The following TMEFF1 variants were observed in gnomAD, a reference collection of about 807,000 sequenced individuals.
The protein encoded by TMEFF1 is transmembrane protein with EGF like and two follistatin like domains 1.
In TMEFF1, 20 loss-of-function variants were observed where a neutral mutation model predicts 47.5. The ratio of observed to expected loss-of-function variants is 0.42; its 90% CI spans 0.30 to 0.61. The LOEUF (loss-of-function observed/expected upper bound fraction) is 0.61. Ranked by LOEUF, TMEFF1 falls within the 20% of genes least tolerant of loss-of-function variation. The pLI, the probability that TMEFF1 is intolerant of heterozygous loss-of-function variation, is 0.19. For missense variants in TMEFF1, 411 were observed against 471.1 expected (o/e 0.87, Z 1.18); for synonymous variants, 162 against 166.3 (o/e 0.97, Z 0.20).
Position 100,576,524 on chromosome 9 carries a change from C to T in TMEFF1, c.1067C>T (p.Pro356Leu). ...TTTTTTTAATGCAACAGAAAATGCC[C>T]CAAAAACAATAGAGGACGTCGACAG... ...AIVMCITRKC[P>L]KNNRGRRQKQ... Residue 356 changes from proline to leucine, a missense_variant, in exon 10 of 10, where the codon CCC becomes CTC. Coordinates refer to ENST00000374879, the MANE Select transcript of TMEFF1 (RefSeq NM_003692.5). 6.2e-7 allele frequency: 1 copy of T among 1,609,374 alleles called. No homozygotes were observed. Among genetic ancestry groups the T allele is most frequent in the Non-Finnish European group, 8.5e-7 (1 of 1,178,750 alleles).
intron 3 of TMEFF1, among the ~76,000 whole-genome samples, chr9:100,509,522 C>T (rs1253447702): frequency 6.6e-6 from 1 of 151,956 alleles, no homozygotes; most frequent in Non-Finnish European, 1.5e-5. Flanking sequence ...GCCTGTAATC[C>T]CAGCACTTTG....
Position 100,514,204 on chromosome 9 carries a change from C to T in TMEFF1, c.463+871C>T, listed in dbSNP as rs144618759. ...AAACTGCCTGAAACCTCACTCCATA[C>T]GTCTACATTTCATAGAATCTTAAAA... On this transcript the variant is annotated intron_variant, in intron 4 of 9. Transcript: ENST00000374879. Among the ~76,000 whole-genome samples, 241 of 151,814 alleles carry T rather than the reference C, an allele frequency of 1.6e-3. 3 individuals carry two copies. Among genetic ancestry groups the T allele is most frequent in the Non-Finnish European group, 3.4e-4 (23 of 67,958 alleles).
At chr9:100,549,974 A>T in intron 6 of TMEFF1, 121 bp from the exon 7 acceptor site, 1 of 1,142,922 alleles carries the variant, frequency 8.7e-7, no homozygotes, top group Non-Finnish European at 1.2e-6. Flanking sequence ...GGTAGACAAC[A>T]TGAGCAGGAT....
intron 5 of TMEFF1, among the ~76,000 whole-genome samples, chr9:100,523,107 C>T (rs781410613): frequency 3.9e-5 from 6 of 152,182 alleles, no homozygotes; most frequent in Middle Eastern, 3.2e-3. Flanking sequence ...TGCAAAACTC[C>T]GTCTCCCCAT....
intron 5 of TMEFF1, among the ~76,000 whole-genome samples, chr9:100,520,157 T>C (rs1005900603): frequency 4.6e-5 from 7 of 152,186 alleles, no homozygotes; most frequent in African/African-American, 1.7e-4. Context: ...TTTAAAATTT[T>C]ATTGTATGCC....
intron 5 of TMEFF1, chr9:100,518,446 G>T: frequency 2.0e-6 from 2 of 985,350 alleles, no homozygotes; most frequent in Non-Finnish European, 2.4e-6. Context: ...TAAGGAAGTG[G>T]ACATAGACCA....
At chr9:100,497,608 A>C (rs1444447258) in intron 1 of TMEFF1, among the ~76,000 whole-genome samples, 1 of 152,096 alleles carries the variant, frequency 6.6e-6, no homozygotes, top group African/African-American at 2.4e-5. Context: ...ACTGCAGAGC[A>C]GTGGGAATAA....
intron 1 of TMEFF1, among the ~76,000 whole-genome samples, chr9:100,487,816 A>G (rs927279446): frequency 1.5e-4 from 22 of 151,314 alleles, no homozygotes; most frequent in African/African-American, 5.1e-4. Context: ...CAGATTTAGC[A>G]CTTGGTCAAG....
At chr9:100,495,281 A>G (rs1030386119) in intron 1 of TMEFF1, among the ~76,000 whole-genome samples, 4 of 152,166 alleles carry the variant, frequency 2.6e-5, no homozygotes, top group Admixed American at 2.0e-4. Flanking sequence ...GTTGTGGGCA[A>G]TTAGAACATT....
chr9:100,572,764 G>C, intron 9 of TMEFF1, 88 bp downstream of exon 9: 1 of 1,443,856 alleles, frequency 6.9e-7, no homozygotes. Context: ...AGTCTATTAG[G>C]AAAAATCTTA....
intron 5 of TMEFF1, among the ~76,000 whole-genome samples, chr9:100,527,100 G>A (rs191451312): frequency 2.2e-4 from 33 of 150,794 alleles, no homozygotes; most frequent in African/African-American, 7.3e-4. Context: ...CCAAAATCGC[G>A]CCACTGCACT....
rs890939480 is a variant in TMEFF1 at position 100,574,910 on chromosome 9, T to C, written c.1059-1606T>C. 9.8e-5 allele frequency among the ~76,000 whole-genome samples: 15 copies of C among 152,330 alleles called. No individual in the cohort carries two copies. In the East Asian group the frequency reaches 1.3e-3, roughly 14 times the overall value. ...TTTGAAGTAGGTACCCTCTAGTTTA[T>C]ACTCCAGATCCCTCCTTGTTGCCCT... On this transcript the variant is annotated intron_variant, in intron 9 of 9. Coordinates refer to ENST00000374879, the MANE Select transcript of TMEFF1 (RefSeq NM_003692.5).
intron 1 of TMEFF1, among the ~76,000 whole-genome samples, chr9:100,498,204 C>T (rs1488055584): frequency 6.6e-6 from 1 of 152,084 alleles, no homozygotes; most frequent in Non-Finnish European, 1.5e-5. Context: ...GATTTTGAAT[C>T]TCTTTAATTC....
At chr9:100,474,188 A>C (rs1348821373) in intron 1 of TMEFF1, among the ~76,000 whole-genome samples, 2 of 63,484 alleles carry the variant, frequency 3.2e-5, no homozygotes, top group Non-Finnish European at 6.0e-5. Flanking sequence ...GGGCGGGGTG[A>C]GGGCAGGGGA....
intron 8 of TMEFF1, among the ~76,000 whole-genome samples, chr9:100,569,653 T>G (rs898016297): frequency 1.1e-4 from 16 of 152,284 alleles, no homozygotes; most frequent in African/African-American, 3.8e-4. Flanking sequence ...TTTTATTCTC[T>G]TCTAAAAATT....
At chr9:100,547,613 C>T in intron 5 of TMEFF1, 131 bp from the exon 6 acceptor site, 5 of 1,123,424 alleles carry the variant, frequency 4.5e-6, no homozygotes, top group Non-Finnish European at 5.8e-6. Context: ...CTTAAGCTTT[C>T]ATCAGTGACT....
intron 1 of TMEFF1, among the ~76,000 whole-genome samples, chr9:100,490,692 A>G (rs1837531388): frequency 9.2e-6 from 1 of 108,210 alleles, no homozygotes; most frequent in South Asian, 3.0e-4. Context: ...CTTTGAAATC[A>G]CATTGAGGTT....
intron 5 of TMEFF1, among the ~76,000 whole-genome samples, chr9:100,529,103 G>GA (rs1312583527): frequency 1.3e-5 from 2 of 149,852 alleles, no homozygotes; most frequent in African/African-American, 4.9e-5. Flanking sequence ...GCTAAACATG[G>GA]AAAGGAACAA....
At chr9:100,516,558 T>C in intron 4 of TMEFF1, 117 bp from the exon 5 acceptor site, 1 of 1,326,540 alleles carries the variant, frequency 7.5e-7, no homozygotes, top group South Asian at 1.6e-5. Context: ...AAGTGACTGT[T>C]TTCAAGAGCT....
Sources: allele counts gnomAD v4.1 joint callset (sites outside exome capture counted in the v4.1 genomes callset), GRCh38; gene constraint gnomAD v4.1.1; transcripts MANE v1.5; gene names NCBI Gene and HGNC (gene_info 2026-07-23, HGNC 2026-07-21).